The following DSCAML1 variants were observed in gnomAD, a reference collection of about 807,000 sequenced individuals.
DSCAML1 encodes the protein cell adhesion molecule DSCAML1.
In DSCAML1, 38 loss-of-function variants were observed where a neutral mutation model predicts 200.5. The observed-to-expected ratio is 0.19, with a 90% CI of 0.15 to 0.25. DSCAML1 has a LOEUF of 0.25. Ranked by LOEUF, DSCAML1 falls within the 10% of genes least tolerant of loss-of-function variation. The pLI is 1.00. For synonymous variants in DSCAML1, 1,215 were observed against 1,165.0 expected, an observed-to-expected ratio of 1.04 and a Z score of -0.87; for missense variants, 2,223 against 2,858.8, an observed-to-expected ratio of 0.78 and a Z score of 5.07.
intron 3 of DSCAML1, among the ~76,000 whole-genome samples, chr11:117,659,805 A>G (rs1053662152): frequency 1.8e-4 from 27 of 151,750 alleles, no homozygotes; most frequent in Admixed American, 1.4e-3. Flanking sequence ...TGCAACCTCC[A>G]TCTCCTGGGT....
intron 8 of DSCAML1, among the ~76,000 whole-genome samples, chr11:117,511,060 C>A (rs1171153224): frequency 6.6e-6 from 1 of 152,222 alleles, no homozygotes; most frequent in Non-Finnish European, 1.5e-5. Context: ...TAGAAACCCC[C>A]AACCTACTCG....
intron 3 of DSCAML1, among the ~76,000 whole-genome samples, chr11:117,600,691 G>A (rs985770004): frequency 3.9e-5 from 6 of 152,358 alleles, no homozygotes; most frequent in Admixed American, 3.9e-4. Flanking sequence ...TCACTAGGCA[G>A]AGAACACTCA....
At position 117,758,908 on chromosome 11, in the gene DSCAML1, C is replaced by T. The variant is rs11216536; in HGVS notation, c.511+17883G>A. The stretch of plus-strand genomic sequence containing the variant: ...GGGTTCCCTACAAACAGTACTCCTC[C>T]ATCGAGGAGGAGACTTGATATATCG... On this transcript the variant is annotated intron_variant, in intron 3 of 32. Transcript: ENST00000651296. 6.6e-3 allele frequency among the ~76,000 whole-genome samples: 1,011 copies of T among 152,290 alleles called. 8 individuals are homozygous for T. The highest frequency in any genetic ancestry group is 0.019 in the African/African-American group (792 of 41,554).
chr11:117,454,988 C>T (rs187248419), intron 19 of DSCAML1, among the ~76,000 whole-genome samples: 2 of 152,288 alleles, frequency 1.3e-5, no homozygotes, highest in Admixed American at 1.3e-4. Context: ...AGCTTCTTGG[C>T]CACTTCCTCC....
chr11:117,653,417 G>A (rs1234767103), intron 3 of DSCAML1, among the ~76,000 whole-genome samples: 1 of 152,152 alleles, frequency 6.6e-6, no homozygotes, highest in Non-Finnish European at 1.5e-5. Flanking sequence ...GAAGCCTGGG[G>A]ACAGTGGTCC....
At position 117,439,001 on chromosome 11, in the gene DSCAML1, C is replaced by T. The variant is rs1465932631; in HGVS notation, c.4145-18G>A. ...CGGGGGAACTGTGAGGGGAAAGCCA[C>T]CACCCCTTAGCACAAGGGCGGACCC... is the stretch of plus-strand genomic sequence containing the variant. On this transcript the variant is annotated intron_variant, in intron 23 of 32. Transcript: ENST00000651296. 9 of 1,591,794 alleles carry T rather than the reference C, an allele frequency of 5.7e-6. No individual in the cohort carries two copies. The Admixed American group carries it at 9.2e-5, about 16-fold the overall frequency.
chr11:117,638,150 AG>A (rs1461682758), intron 3 of DSCAML1, among the ~76,000 whole-genome samples: 5 of 152,214 alleles, frequency 3.3e-5, no homozygotes, highest in African/African-American at 1.2e-4. Flanking sequence ...CAAACCAGTC[AG>A]TAAACATTAT....
At chr11:117,557,026 C>A (rs1236017238) in intron 3 of DSCAML1, among the ~76,000 whole-genome samples, 10 of 152,160 alleles carry the variant, frequency 6.6e-5, no homozygotes, top group African/African-American at 2.2e-4. Context: ...ACAGTCCACA[C>A]AGGACCAGGC....
rs757423317 is a variant in DSCAML1, at chr11:117,433,431, T to TG, written c.4907+9dup. On this transcript the variant is annotated intron_variant, in intron 28 of 32. Transcript: ENST00000651296. ...AGGGAGGAGAAAGGAAGCAGCTTGG[T>TG]GATACCCACCTTATCAACATTTCTG... is the stretch of plus-strand genomic sequence containing the variant. 6.2e-7 allele frequency: 1 copy of TG among 1,613,360 alleles called. No individual in the cohort carries two copies. Among genetic ancestry groups the TG allele is most frequent in the Non-Finnish European group, 8.5e-7 (1 of 1,179,888 alleles).
intron 3 of DSCAML1, among the ~76,000 whole-genome samples, chr11:117,626,755 C>T (rs2052055193): frequency 6.6e-6 from 1 of 152,190 alleles, no homozygotes; most frequent in Non-Finnish European, 1.5e-5. Context: ...TGGACCACCC[C>T]ACATCCCTGG....
intron 3 of DSCAML1, among the ~76,000 whole-genome samples, chr11:117,693,600 C>G (rs919111211): frequency 3.0e-4 from 46 of 152,138 alleles, no homozygotes; most frequent in African/African-American, 1.1e-3. Context: ...TGGGAAAAGC[C>G]TGTGTCAGCA....
chr11:117,533,810 G>A lies in DSCAML1; in HGVS notation c.512-1288C>T, dbSNP rs530547546. 5.9e-5 allele frequency among the ~76,000 whole-genome samples: 9 copies of A among 152,294 alleles called. No individual in the cohort carries two copies. In the South Asian group the frequency reaches 1.5e-3, roughly 25 times the overall value. ...GGAGAAAACTGGACTTGAGGGTTGG[G>A]GGGCGGGGTTTGCACTAGACTCCCT... On this transcript the variant is annotated intron_variant, in intron 3 of 32. Transcript: ENST00000651296.
intron 3 of DSCAML1, among the ~76,000 whole-genome samples, chr11:117,625,617 C>T (rs549362557): frequency 6.6e-6 from 1 of 152,336 alleles, no homozygotes; most frequent in South Asian, 2.1e-4. Context: ...ATACTTGGCA[C>T]AGCTTGAGGT....
At chr11:117,745,403 G>A (rs560993279) in intron 3 of DSCAML1, among the ~76,000 whole-genome samples, 2 of 152,312 alleles carry the variant, frequency 1.3e-5, no homozygotes, top group African/African-American at 4.8e-5. Context: ...TCCACCCCAA[G>A]GGAGCTTTTC....
intron 3 of DSCAML1, among the ~76,000 whole-genome samples, chr11:117,746,396 T>C (rs2054518868): frequency 1.3e-5 from 2 of 152,276 alleles, no homozygotes; most frequent in South Asian, 2.1e-4. Context: ...TGTCCCCAGC[T>C]GGTAGTGTGG....
chr11:117,714,446 A>T (rs1357977496), intron 3 of DSCAML1, among the ~76,000 whole-genome samples: 1 of 152,152 alleles, frequency 6.6e-6, no homozygotes, highest in Non-Finnish European at 1.5e-5. Context: ...GCCTAGAAGG[A>T]ATTGAAGGGC....
At chr11:117,590,393 T>C (rs962067193) in intron 3 of DSCAML1, among the ~76,000 whole-genome samples, 2 of 150,378 alleles carry the variant, frequency 1.3e-5, no homozygotes, top group Non-Finnish European at 3.0e-5. Flanking sequence ...AACTTGTCCA[T>C]GCACCACCTA....
chr11:117,797,209 G>C lies in DSCAML1; in HGVS notation c.-130C>G. The stretch of plus-strand genomic sequence containing the variant: ...CGCTCTCTCTGCTCCTCAGCCCAGC[G>C]CTCGGCTGCGGCGGCGGCTCCTCCC... On this transcript the variant is annotated 5_prime_UTR_variant, in exon 1 of 33. Transcript: ENST00000651296. The C allele has an allele frequency of 6.6e-7, 1 of 1,504,102 alleles. No homozygotes were observed. The highest frequency in any genetic ancestry group is 1.3e-5 in the South Asian group (1 of 79,992). The allele number at this position is 1,504,102 out of a possible 1,614,324, so 93.2% of individuals were successfully genotyped here.
chr11:117,467,193 A>ACCCCCCC lies in DSCAML1; in HGVS notation c.3025-2012_3025-2011insGGGGGGG, dbSNP rs757481843. Among the ~76,000 whole-genome samples, 185 of 109,476 alleles carry ACCCCCCC rather than the reference A, an allele frequency of 1.7e-3. 8 individuals are homozygous for ACCCCCCC. Among genetic ancestry groups the ACCCCCCC allele is most frequent in the African/African-American group, 3.9e-3 (88 of 22,596 alleles). 71.8% of individuals were successfully genotyped at this position (109,476 alleles called of 152,430 possible). A position where few individuals can be genotyped will look rare whatever the true frequency, so the allele number is the denominator to read the frequency against. On this transcript the variant is annotated intron_variant, in intron 16 of 32. Coordinates refer to ENST00000651296, the MANE Select transcript of DSCAML1 (RefSeq NM_020693.4). ...CGCGCACGCATGCGCGTGCACACAC[A>ACCCCCCC]CCTCCCCCCTCCCCCCGCCGCCAAT... is the stretch of plus-strand genomic sequence containing the variant.
Sources: allele counts gnomAD v4.1 joint callset (sites outside exome capture counted in the v4.1 genomes callset), GRCh38; gene constraint gnomAD v4.1.1; transcripts MANE v1.5; gene names NCBI Gene and HGNC (gene_info 2026-07-23, HGNC 2026-07-21).